The following ST7 variants were observed in gnomAD, a reference collection of about 807,000 sequenced individuals.
ST7 encodes suppressor of tumorigenicity 7 protein.
A neutral mutation model predicts 78.7 loss-of-function variants in ST7; 28 were observed. The observed-to-expected ratio is 0.36, with a 90% CI of 0.26 to 0.49. The LOEUF (loss-of-function observed/expected upper bound fraction) is 0.49, where lower values mean the gene tolerates loss of function less well. Among genes scored for constraint, ST7 ranks in the 20% least tolerant of loss-of-function variants. The pLI is 0.99. For missense variants in ST7, 418 were observed against 696.0 expected (o/e 0.60, Z 4.49); for synonymous variants, 247 against 249.6 (o/e 0.99, Z 0.10).
intron 1 of ST7, among the ~76,000 whole-genome samples, chr7:117,009,793 A>G (rs1011238231): frequency 2.6e-4 from 40 of 152,138 alleles, no homozygotes; most frequent in African/African-American, 9.4e-4. Context: ...AGCACCTCTT[A>G]TAAAAGTTAT....
At chr7:117,120,293 C>T (rs897249273) in intron 3 of ST7, among the ~76,000 whole-genome samples, 2 of 152,164 alleles carry the variant, frequency 1.3e-5, no homozygotes, top group African/African-American at 4.8e-5. Flanking sequence ...CAACCTGATG[C>T]TATAGCTTCC....
chr7:116,963,764 C>G (rs1792958582), intron 1 of ST7, among the ~76,000 whole-genome samples: 1 of 151,800 alleles, frequency 6.6e-6, no homozygotes, highest in South Asian at 2.1e-4. Flanking sequence ...TCCTGAGTAG[C>G]TGGGACTACA....
intron 1 of ST7, among the ~76,000 whole-genome samples, chr7:116,997,839 A>T (rs1794736936): frequency 6.6e-6 from 1 of 152,246 alleles, no homozygotes; most frequent in Non-Finnish European, 1.5e-5. Context: ...ACCTTGAGCT[A>T]GATACAGAGT....
At chr7:117,192,458 C>T (rs1348927820) in intron 12 of ST7, among the ~76,000 whole-genome samples, 1 of 152,122 alleles carries the variant, frequency 6.6e-6, no homozygotes, top group Non-Finnish European at 1.5e-5. Flanking sequence ...AGGATATAAG[C>T]CCTGCCTATC....
intron 1 of ST7, among the ~76,000 whole-genome samples, chr7:117,001,056 G>T (rs890568916): frequency 5.3e-5 from 8 of 152,150 alleles, no homozygotes; most frequent in Middle Eastern, 6.3e-3. Flanking sequence ...GTTGTGGTTG[G>T]ATAACACTGA....
intron 1 of ST7, among the ~76,000 whole-genome samples, chr7:116,980,156 G>A (rs1057208230): frequency 1.3e-5 from 2 of 151,504 alleles, no homozygotes; most frequent in Non-Finnish European, 2.9e-5. Flanking sequence ...ACGGAGTTTC[G>A]CCATGTTGGC....
At chr7:117,071,752 T>C (rs1346413971) in intron 1 of ST7, among the ~76,000 whole-genome samples, 1 of 152,250 alleles carries the variant, frequency 6.6e-6, no homozygotes, top group Admixed American at 6.5e-5. Context: ...GGAAGCTGCA[T>C]GACATAGCTT....
chr7:116,958,665 G>T, intron 1 of ST7: 1 of 471,102 alleles, frequency 2.1e-6, no homozygotes. Flanking sequence ...TGCAAGTTTG[G>T]TTCCCGGCCA....
chr7:117,071,136 G>T (rs1254150044), intron 1 of ST7, among the ~76,000 whole-genome samples: 1 of 151,948 alleles, frequency 6.6e-6, no homozygotes, highest in African/African-American at 2.4e-5. Context: ...GGAGAATGGC[G>T]TGAACCCGGG....
At chr7:117,207,683 A>T (rs1385312999) in intron 12 of ST7, among the ~76,000 whole-genome samples, 1 of 152,188 alleles carries the variant, frequency 6.6e-6, no homozygotes, top group African/African-American at 2.4e-5. Flanking sequence ...CACATGAGTT[A>T]GTTGTTTTCA....
chr7:117,102,729 G>A (rs1447080043), intron 2 of ST7, among the ~76,000 whole-genome samples: 1 of 151,972 alleles, frequency 6.6e-6, no homozygotes, highest in Non-Finnish European at 1.5e-5. Context: ...AATGAAAAGG[G>A]GAGATCAGTT....
At chr7:117,213,137 A>G (rs1792423873) in intron 13 of ST7, among the ~76,000 whole-genome samples, 1 of 152,240 alleles carries the variant, frequency 6.6e-6, no homozygotes, top group African/African-American at 2.4e-5. Flanking sequence ...TCCGCTGGCC[A>G]TGCATAGGAA....
chr7:117,087,236 G>C (rs1800220374), intron 1 of ST7, among the ~76,000 whole-genome samples: 1 of 152,098 alleles, frequency 6.6e-6, no homozygotes, highest in Non-Finnish European at 1.5e-5. Flanking sequence ...AGTTAGTAGA[G>C]GGTTTCAAAA....
chr7:117,165,673 G>A (rs953571754), intron 9 of ST7, among the ~76,000 whole-genome samples: 1 of 152,122 alleles, frequency 6.6e-6, no homozygotes, highest in Non-Finnish European at 1.5e-5. Context: ...GACTCATGGA[G>A]AAGATGGACA....
At chr7:117,055,607 A>G (rs555296916) in intron 1 of ST7, among the ~76,000 whole-genome samples, 31 of 152,340 alleles carry the variant, frequency 2.0e-4, no homozygotes, top group African/African-American at 6.5e-4. Flanking sequence ...CTGTGCTCCA[A>G]CCACTACACT....
chr7:117,150,047 T>C (rs1444948134), intron 9 of ST7, among the ~76,000 whole-genome samples: 1 of 152,176 alleles, frequency 6.6e-6, no homozygotes, highest in Non-Finnish European at 1.5e-5. Flanking sequence ...GACAGAGCTG[T>C]GTCGTTCATT....
intron 9 of ST7, among the ~76,000 whole-genome samples, chr7:117,147,372 T>C (rs1805879220): frequency 6.6e-6 from 1 of 152,196 alleles, no homozygotes; most frequent in Non-Finnish European, 1.5e-5. Flanking sequence ...AATTTCACTC[T>C]TCAGAATGGC....
At chr7:117,201,544 G>GT (rs1000103435) in intron 12 of ST7, among the ~76,000 whole-genome samples, 17 of 147,062 alleles carry the variant, frequency 1.2e-4, no homozygotes, top group East Asian at 3.9e-4. Flanking sequence ...TGCTTTTTAT[G>GT]TTTTTTTTGT....
chr7:117,047,851 A>G lies in ST7; in HGVS notation c.152-51911A>G, dbSNP rs148382144. 3.1e-3 allele frequency among the ~76,000 whole-genome samples: 475 copies of G among 152,286 alleles called. 3 individuals carry two copies. The highest frequency in any genetic ancestry group is 0.014 in the Middle Eastern group (4 of 294). ...CTTGGAAGTCAGGGATTTATTTTCT[A>G]TGTTGTGCACTATTAATATACAGTT... is the stretch of plus-strand genomic sequence containing the variant. On this transcript the variant is annotated intron_variant, in intron 1 of 15. Transcript: ENST00000323984.
Sources: gnomAD v4.1 joint callset for allele counts (sites outside exome capture counted in the v4.1 genomes callset) on GRCh38, gnomAD v4.1.1 for gene constraint, MANE v1.5 for transcripts, NCBI Gene and HGNC (gene_info 2026-07-23, HGNC 2026-07-21) for gene names.